DYNC2H1: variants seen among roughly 807,000 people sequenced by gnomAD.
DYNC2H1 encodes the protein dynein cytoplasmic 2 heavy chain 1, also known as cytoplasmic dynein 2 heavy chain 1.
DYNC2H1 carries 410 observed loss-of-function variants against 570.0 expected under a neutral mutation model. The ratio of observed to expected loss-of-function variants is 0.72; its 90% CI spans 0.66 to 0.78. The LOEUF is 0.78. DYNC2H1 is among the 30% of genes least tolerant of loss of function. The pLI is 0.00. For missense variants in DYNC2H1, 4,865 were observed against 5,046.4 expected, an observed-to-expected ratio of 0.96 and a Z score of 1.09; for synonymous variants, 1,688 against 1,677.6, an observed-to-expected ratio of 1.01 and a Z score of -0.15.
At chr11:103,348,897 T>C (rs1027463823) in intron 82 of DYNC2H1, among the ~76,000 whole-genome samples, 1 of 152,120 alleles carries the variant, frequency 6.6e-6, no homozygotes, top group Non-Finnish European at 1.5e-5. Context: ...TCTGATGGTT[T>C]TATAAGGGGC....
chr11:103,201,484 A>T lies in DYNC2H1; in HGVS notation c.8197+1330A>T, dbSNP rs1385780547. 6.6e-6 allele frequency among the ~76,000 whole-genome samples: 1 copy of T among 152,130 alleles called. No individual in the cohort carries two copies. The highest frequency in any genetic ancestry group is 1.5e-5 in the Non-Finnish European group (1 of 68,022). Reference sequence around the variant, plus strand: ...CTAATTGCACGTTAGAATCACTAGGATAATTAAAAACAACAACAACAACAA... The same window carrying T: ...CTAATTGCACGTTAGAATCACTAGGTTAATTAAAAACAACAACAACAACAA... On this transcript the variant is annotated intron_variant, in intron 50 of 88. Transcript: ENST00000375735. This position sits in a 1 kb window ranked among gnomAD's most constrained non-coding sequence, Gnocchi z 4.8.
rs916487333 is a variant in DYNC2H1, at chr11:103,151,177, C to T, written c.2947-959C>T. On this transcript the variant is annotated intron_variant, in intron 20 of 88. Transcript: ENST00000375735. The surrounding 1 kb of genome is among the most constrained non-coding windows in gnomAD (Gnocchi z 4.6). ...TGAGGTGTCCAATCATAGTTCACTG[C>T]AGCCTCAAACTCCTGGGCTCAAGCA... Among the ~76,000 whole-genome samples the T allele has an allele frequency of 7.9e-5, 12 of 152,110 alleles. No homozygotes were observed. Among genetic ancestry groups the T allele is most frequent in the African/African-American group, 2.9e-4 (12 of 41,422 alleles).
rs2134689429 is a variant in DYNC2H1, at chr11:103,115,238, A to G, written c.564A>G (p.Lys188=). Residue 188 remains lysine (K), a synonymous_variant, in exon 4 of 89, where the codon AAA becomes AAG. Coordinates refer to ENST00000375735, the MANE Select transcript of DYNC2H1 (RefSeq NM_001377.3). The stretch of plus-strand genomic sequence containing the variant: ...TAGAACAAGCTCACCGTGGAAATAA[A>G]CAGATTAGTAAAGAAAGAGCCAATT... ...FWIEQAHRGN[K]QISKERANYF... The G allele has an allele frequency of 2.5e-6, 4 of 1,609,824 alleles. No individual in the cohort carries two copies. The highest frequency in any genetic ancestry group is 3.4e-6 in the Non-Finnish European group (4 of 1,177,930).
rs1457626482 is a variant in DYNC2H1 at position 103,264,561 on chromosome 11, C to A, written c.10695+4584C>A. On this transcript the variant is annotated intron_variant, in intron 70 of 88. Transcript: ENST00000375735. The surrounding 1 kb of genome is among the most constrained non-coding windows in gnomAD (Gnocchi z 4.8). ...ACATATGCAAATCAATAAATATAAT[C>A]CATGACATGAACAGAACTAATGACA... Among the ~76,000 whole-genome samples, 1 of 152,128 alleles carries A rather than the reference C, an allele frequency of 6.6e-6. No homozygotes were observed. The highest frequency in any genetic ancestry group is 1.5e-5 in the Non-Finnish European group (1 of 68,030).
rs572864083 is a variant in DYNC2H1, at chr11:103,277,222, C to T, written c.10696-3126C>T. ...TATTCTTCACAAATTTATTTGTGCTCATATAGTTATACAAAGTGTGTGTTC... is the reference window on the plus strand; with the variant it reads ...TATTCTTCACAAATTTATTTGTGCTTATATAGTTATACAAAGTGTGTGTTC... On this transcript the variant is annotated intron_variant, in intron 70 of 88. Transcript: ENST00000375735. The surrounding 1 kb of genome is among the most constrained non-coding windows in gnomAD (Gnocchi z 4.3). Among the ~76,000 whole-genome samples the T allele has an allele frequency of 6.8e-4, 104 of 152,084 alleles. No homozygotes were observed. Among genetic ancestry groups the T allele is most frequent in the African/African-American group, 2.3e-3 (97 of 41,512 alleles).
chr11:103,163,102 G>A lies in DYNC2H1; in HGVS notation c.4566G>A (p.Gly1522=). ...EQLLKECVTT[G]RSSQGAVDPS... is the part of the protein sequence containing the mutation. ...TGTTGAAGGAATGTGTTACTACTGG[G>A]CGAAGTTCTCAAGGTGCAGTTGACC... The change falls in exon 30 of 89, where the codon GGG becomes GGA. Residue 1522 remains glycine (G), a synonymous_variant. Transcript: ENST00000375735. The surrounding 1 kb of genome is among the most constrained non-coding windows in gnomAD (Gnocchi z 4.6). The A allele has an allele frequency of 1.2e-6, 2 of 1,613,044 alleles. No individual in the cohort carries two copies. Among genetic ancestry groups the A allele is most frequent in the African/African-American group, 2.7e-5 (2 of 74,994 alleles).
In DYNC2H1 at chr11:103,227,467, A is replaced by G. The variant is rs184785569; in HGVS notation, c.9354-3793A>G. ...ACAATCATTCAGGAGCAGGTTATTTAATTTCCACATATTTGCATCGTTTTG... is the reference window on the plus strand; with the variant it reads ...ACAATCATTCAGGAGCAGGTTATTTGATTTCCACATATTTGCATCGTTTTG... On this transcript the variant is annotated intron_variant, in intron 59 of 88. Transcript: ENST00000375735. Among the ~76,000 whole-genome samples, 654 of 152,266 alleles carry G rather than the reference A, an allele frequency of 4.3e-3. 7 individuals are homozygous for G. The highest frequency in any genetic ancestry group is 0.011 in the Admixed American group (169 of 15,298).
chr11:103,258,372 TTATTTCTGTTGAGTATCGTA>T (rs1263462751), intron 69 of DYNC2H1, among the ~76,000 whole-genome samples: 4 of 152,244 alleles, frequency 2.6e-5, no homozygotes, highest in Non-Finnish European at 4.4e-5. Flanking sequence ...ATTGTTCTAA[TTATTTCTGTTGAGTATCGTA>T]TTAATCCGAA....
At chr11:103,295,404 A>T (rs1866778792) in intron 75 of DYNC2H1, among the ~76,000 whole-genome samples, 2 of 152,266 alleles carry the variant, frequency 1.3e-5, no homozygotes, top group African/African-American at 4.8e-5. Context: ...AAAAGCCTCG[A>T]TAAACAACTA....
At position 103,321,146 on chromosome 11, in the gene DYNC2H1, T is replaced by C. The variant is rs1240580984; in HGVS notation, c.11843T>C (p.Phe3948Ser). The C allele has an allele frequency of 6.2e-7, 1 of 1,612,220 alleles. No homozygotes were observed. The highest frequency in any genetic ancestry group is 8.5e-7 in the Non-Finnish European group (1 of 1,179,002). The stretch of plus-strand genomic sequence containing the variant: ...CTTCAGTCATACCTGAAGCAGTTTT[T>C]TAATTCTTCAGTTATTGATGTATTC... ...RVLQSYLKQF[F>S]NSSVIDVFNQ... Residue 3948 changes from phenylalanine to serine, a missense_variant, in exon 81 of 89, where the codon TTT becomes TCT. Around this residue, in one of 5 missense-constraint regions of DYNC2H1, gnomAD observed 2,401 missense variants for 2,454.6 expected, o/e 0.98. Coordinates refer to ENST00000375735, the MANE Select transcript of DYNC2H1 (RefSeq NM_001377.3).
intron 60 of DYNC2H1, 92 bp from the exon 61 acceptor site, chr11:103,233,942 G>A (rs376189689): frequency 6.5e-6 from 8 of 1,226,754 alleles, no homozygotes; most frequent in Admixed American, 2.9e-5. Flanking sequence ...ATTAAATTAT[G>A]GCATAAAAGT....
Position 103,254,038 on chromosome 11 carries a change from C to T in DYNC2H1, c.10206+590C>T, listed in dbSNP as rs945317149. ...TTGGAGTATCATCCTATTTTTTACTCATCTAACAATAGTAGATTTTTTTCA... is the reference window on the plus strand; with the variant it reads ...TTGGAGTATCATCCTATTTTTTACTTATCTAACAATAGTAGATTTTTTTCA... On this transcript the variant is annotated intron_variant, in intron 66 of 88. Transcript: ENST00000375735. The surrounding 1 kb of genome is among the most constrained non-coding windows in gnomAD (Gnocchi z 4.9). Among the ~76,000 whole-genome samples the T allele has an allele frequency of 8.5e-5, 13 of 152,096 alleles. No homozygotes were observed. The highest frequency in any genetic ancestry group is 1.5e-4 in the Non-Finnish European group (10 of 67,994).
At chr11:103,455,050 A>T in intron 85 of DYNC2H1, 136 bp from the exon 86 acceptor site, 1 of 551,294 alleles carries the variant, frequency 1.8e-6, no homozygotes, top group Non-Finnish European at 3.1e-6. Flanking sequence ...TAAAATGGAA[A>T]TGTTATATAT....
chr11:103,110,642 C>T (rs1296347307), intron 1 of DYNC2H1, among the ~76,000 whole-genome samples: 2 of 152,020 alleles, frequency 1.3e-5, no homozygotes. Context: ...GCAATCAGGG[C>T]TTATATATAT....
chr11:103,281,360 A>G (rs1056384462), intron 71 of DYNC2H1, among the ~76,000 whole-genome samples: 2 of 152,042 alleles, frequency 1.3e-5, no homozygotes, highest in African/African-American at 4.8e-5. Flanking sequence ...CATGAAATAT[A>G]TATATTCCTT....
intron 82 of DYNC2H1, among the ~76,000 whole-genome samples, chr11:103,343,633 A>T (rs1412252811): frequency 6.6e-6 from 1 of 152,164 alleles, no homozygotes; most frequent in Non-Finnish European, 1.5e-5. Flanking sequence ...AGAAGTGAGG[A>T]CAAAAGGCGT....
At chr11:103,183,185 C>A (rs968058831) in intron 40 of DYNC2H1, among the ~76,000 whole-genome samples, 31 of 151,866 alleles carry the variant, frequency 2.0e-4, no homozygotes, top group African/African-American at 7.0e-4. Flanking sequence ...TAGTATTGTG[C>A]TTAATTATAT....
Position 103,243,293 on chromosome 11 carries a change from A to G in DYNC2H1, c.9820-400A>G, listed in dbSNP as rs973116300. Among the ~76,000 whole-genome samples the G allele has an allele frequency of 4.8e-5, 6 of 124,706 alleles. No homozygotes were observed. Among genetic ancestry groups the G allele is most frequent in the Admixed American group, 4.0e-4 (5 of 12,426 alleles). 81.8% of individuals were successfully genotyped at this position (124,706 alleles called of 152,430 possible). On this transcript the variant is annotated intron_variant, in intron 63 of 88. Transcript: ENST00000375735. The surrounding 1 kb of genome is among the most constrained non-coding windows in gnomAD (Gnocchi z 4.8). The stretch of plus-strand genomic sequence containing the variant: ...GATAGATAGATAGATAGATAGATAG[A>G]TAGATAGATAGATAAATAGAGAATA...
rs751697932 is a variant in DYNC2H1, at chr11:103,187,401, A to G, written c.6955A>G (p.Ser2319Gly). Residue 2319 changes from serine (S) to glycine (G), a missense_variant, in exon 43 of 89, where the codon AGT becomes GGT. By Grantham distance (56) the Ser-to-Gly change is moderately conservative (BLOSUM62 0). Transcript: ENST00000375735. ...CACTCAAATTGCTACAGTTCACTGT[A>G]GTGCACAAACCACTTCTCGACATCT... ...RSTQIATVHC[S>G]AQTTSRHLLQ... is the part of the protein sequence containing the mutation. 44 of 1,613,034 alleles carry G rather than the reference A, an allele frequency of 2.7e-5. No homozygotes were observed. The highest frequency in any genetic ancestry group is 3.6e-5 in the Non-Finnish European group (42 of 1,179,368).
Sources: gnomAD v4.1 joint callset for allele counts (sites outside exome capture counted in the v4.1 genomes callset) on GRCh38, gnomAD v4.1.1 for gene constraint, gnomAD v4.1.1 regional missense constraint, Gnocchi (gnomAD v3.1) non-coding constraint, MANE v1.5 for transcripts, NCBI Gene and HGNC (gene_info 2026-07-23, HGNC 2026-07-21) for gene names.